Variants in MICU3 observed in about 807,000 individuals in gnomAD.
The protein encoded by MICU3 is mitochondrial calcium uptake 3, also known as calcium uptake protein 3, mitochondrial.
MICU3 carries 62 observed loss-of-function variants against 66.5 expected under a neutral mutation model. The ratio of observed to expected loss-of-function variants is 0.93; its 90% CI spans 0.76 to 1.15. The LOEUF is 1.15. Ranked by LOEUF, MICU3 falls within the 50% of genes most tolerant of loss-of-function variation. The pLI, the probability that MICU3 is intolerant of heterozygous loss-of-function variation, is 0.00. For synonymous variants in MICU3, 308 were observed against 240.7 expected (o/e 1.28, Z -2.59); for missense variants, 779 against 664.4 (o/e 1.17, Z -1.90).
rs555431817 is a variant in MICU3, at chr8:17,032,538, A to T, written c.381+4878A>T. Among the ~76,000 whole-genome samples the T allele has an allele frequency of 2.5e-3, 387 of 152,292 alleles. 1 individual carries two copies. Among genetic ancestry groups the T allele is most frequent in the Non-Finnish European group, 3.7e-3 (251 of 68,026 alleles). ...GTGGAGTGGAAAACTAGTTAGACAA[A>T]TTTTTTATCTCTTTCATATCTGTAA... On this transcript the variant is annotated intron_variant, in intron 1 of 14. Transcript: ENST00000318063.
chr8:17,042,819 G>T (rs575013688), intron 1 of MICU3, among the ~76,000 whole-genome samples: 3 of 151,168 alleles, frequency 2.0e-5, no homozygotes, highest in Non-Finnish European at 4.4e-5. Flanking sequence ...TGATAAGGAT[G>T]ATATCTATCC....
intron 1 of MICU3, among the ~76,000 whole-genome samples, chr8:17,061,671 A>G (rs1817842576): frequency 6.6e-6 from 1 of 152,136 alleles, no homozygotes; most frequent in African/African-American, 2.4e-5. Context: ...ATCATGGTTG[A>G]TTGATGTCAC....
intron 11 of MICU3, among the ~76,000 whole-genome samples, chr8:17,108,316 C>T (rs1485854328): frequency 1.3e-5 from 2 of 152,224 alleles, no homozygotes; most frequent in African/African-American, 4.8e-5. Flanking sequence ...GATTAGTAGT[C>T]ATTAGTGTAT....
chr8:17,097,245 C>T (rs1011236534), intron 8 of MICU3, among the ~76,000 whole-genome samples: 14 of 151,764 alleles, frequency 9.2e-5, no homozygotes, highest in African/African-American at 3.4e-4. Context: ...TATTCCATAT[C>T]TATATAAAAT....
intron 1 of MICU3, among the ~76,000 whole-genome samples, chr8:17,036,400 C>T (rs867481221): frequency 3.9e-5 from 6 of 151,988 alleles, no homozygotes; most frequent in South Asian, 2.1e-4. Context: ...GGGACCCGAG[C>T]GGGTTGCCAA....
At chr8:17,084,150 G>T (rs1292800621) in intron 5 of MICU3, among the ~76,000 whole-genome samples, 1 of 152,022 alleles carries the variant, frequency 6.6e-6, no homozygotes, top group Non-Finnish European at 1.5e-5. Context: ...CATAATCTTG[G>T]TTACCTATCT....
chr8:17,087,121 A>G, intron 7 of MICU3, 86 bp downstream of exon 7: 1 of 932,554 alleles, frequency 1.1e-6, no homozygotes, highest in Middle Eastern at 3.1e-4. Flanking sequence ...TAAAGTTTGT[A>G]ACTTTGAAGC....
intron 11 of MICU3, among the ~76,000 whole-genome samples, chr8:17,108,019 G>T (rs891859095): frequency 3.3e-5 from 5 of 152,114 alleles, no homozygotes; most frequent in African/African-American, 1.2e-4. Context: ...AAAGGGGTCA[G>T]ATATTGATTG....
intron 9 of MICU3, among the ~76,000 whole-genome samples, chr8:17,100,866 C>G (rs1273512781): frequency 6.6e-6 from 1 of 151,690 alleles, no homozygotes; most frequent in Non-Finnish European, 1.5e-5. Context: ...CTGTTGAATA[C>G]AGTCTGTCAG....
chr8:17,051,115 A>G (rs1816004062), intron 1 of MICU3, among the ~76,000 whole-genome samples: 3 of 152,166 alleles, frequency 2.0e-5, no homozygotes. Flanking sequence ...TTTTTATTCC[A>G]AAAAAGTTCA....
At chr8:17,136,539 G>T in the MICU3 span, among the ~76,000 whole-genome samples, 2 of 152,032 alleles carry the variant, frequency 1.3e-5, no homozygotes, top group Non-Finnish European at 2.9e-5. Flanking sequence ...TTGTGGAGGG[G>T]ATTAGAGCCT....
chr8:17,072,392 T>C (rs1377324910), intron 3 of MICU3, among the ~76,000 whole-genome samples: 1 of 151,814 alleles, frequency 6.6e-6, no homozygotes, highest in Non-Finnish European at 1.5e-5. Context: ...TTCAGATGGA[T>C]TAAGTTCTTA....
chr8:17,070,277 T>C (rs1819354939), intron 3 of MICU3, among the ~76,000 whole-genome samples: 1 of 152,098 alleles, frequency 6.6e-6, no homozygotes, highest in Admixed American at 6.6e-5. Context: ...GATATATTCA[T>C]ATAGTATACT....
At chr8:17,028,149 C>T (rs1811350738) in intron 1 of MICU3, among the ~76,000 whole-genome samples, 1 of 152,108 alleles carries the variant, frequency 6.6e-6, no homozygotes, top group South Asian at 2.1e-4. Flanking sequence ...AATGCTAAAC[C>T]TGCATGCTAA....
At chr8:17,069,977 A>T (rs1000684832) in intron 3 of MICU3, among the ~76,000 whole-genome samples, 1 of 152,040 alleles carries the variant, frequency 6.6e-6, no homozygotes, top group Admixed American at 6.6e-5. Flanking sequence ...TTGGAAAACA[A>T]TTTGGCATTA....
At chr8:17,083,275 C>G (rs1018845033) in intron 5 of MICU3, among the ~76,000 whole-genome samples, 1 of 152,068 alleles carries the variant, frequency 6.6e-6, no homozygotes, top group African/African-American at 2.4e-5. Context: ...TGCAAAACAT[C>G]TCAAGCATAG....
chr8:17,035,237 T>A (rs1048845222), intron 1 of MICU3, among the ~76,000 whole-genome samples: 1 of 152,280 alleles, frequency 6.6e-6, no homozygotes, highest in Middle Eastern at 3.4e-3. Flanking sequence ...TTGGGTATGT[T>A]TTTATTAGCA....
chr8:17,115,323 A>T (rs901844474), intron 12 of MICU3, among the ~76,000 whole-genome samples: 2 of 152,198 alleles, frequency 1.3e-5, no homozygotes, highest in Non-Finnish European at 2.9e-5. Flanking sequence ...AGATGTTCAA[A>T]TATGGCATAT....
At chr8:17,029,501 G>A (rs755601628) in intron 1 of MICU3, among the ~76,000 whole-genome samples, 6 of 152,044 alleles carry the variant, frequency 3.9e-5, no homozygotes, top group African/African-American at 9.7e-5. Flanking sequence ...TTTTTTATTC[G>A]TTTATTTATT....
Sources: gnomAD v4.1 joint callset for allele counts (sites outside exome capture counted in the v4.1 genomes callset) on GRCh38, gnomAD v4.1.1 for gene constraint, MANE v1.5 for transcripts, NCBI Gene and HGNC (gene_info 2026-07-23, HGNC 2026-07-21) for gene names.